PGGT1B: variants seen among roughly 807,000 people sequenced by gnomAD.
PGGT1B encodes the protein geranylgeranyl transferase type-1 subunit beta.
PGGT1B carries 30 observed loss-of-function variants against 46.1 expected under a neutral mutation model. The observed-to-expected ratio is 0.65, with a 90% confidence interval of 0.49 to 0.88. The LOEUF (loss-of-function observed/expected upper bound fraction) is 0.88. PGGT1B is among the 40% of genes least tolerant of loss of function. The probability of loss-of-function intolerance (pLI) is 0.00; values close to 1 mark genes in which losing one functional copy is unlikely to be tolerated. For missense variants in PGGT1B, 376 were observed against 455.9 expected, an observed-to-expected ratio of 0.82 and a Z score of 1.60; for synonymous variants, 170 against 160.0, an observed-to-expected ratio of 1.06 and a Z score of -0.47.
chr5:115,258,867 C>A (rs1748433874), intron 1 of PGGT1B, among the ~76,000 whole-genome samples: 1 of 152,204 alleles, frequency 6.6e-6, no homozygotes, highest in African/African-American at 2.4e-5. Flanking sequence ...GCATCACACT[C>A]CTCAGCTATT....
chr5:115,232,793 G>T (rs1233186806), intron 5 of PGGT1B, among the ~76,000 whole-genome samples: 5 of 151,892 alleles, frequency 3.3e-5, no homozygotes, highest in African/African-American at 1.2e-4. Flanking sequence ...CTATATGGAA[G>T]GCACTTAAAA....
intron 4 of PGGT1B, among the ~76,000 whole-genome samples, chr5:115,237,219 G>C (rs925054845): frequency 3.9e-5 from 6 of 152,120 alleles, no homozygotes; most frequent in African/African-American, 1.4e-4. Context: ...AACACTGACG[G>C]GAAAACAGAG....
At chr5:115,247,124 T>G (rs533693124) in intron 2 of PGGT1B, among the ~76,000 whole-genome samples, 29 of 152,336 alleles carry the variant, frequency 1.9e-4, no homozygotes, top group Non-Finnish European at 3.2e-4. Flanking sequence ...ATATGTCACT[T>G]TAAAACTTAG....
Position 115,206,983 on chromosome 5 carries a change from G to A in PGGT1B, c.*5419C>T, listed in dbSNP as rs943428373. The A allele has an allele frequency of 1.3e-5, 2 of 151,504 alleles. No individual in the cohort carries two copies. Among genetic ancestry groups the A allele is most frequent in the African/African-American group, 2.4e-5 (1 of 41,306 alleles). 9.4% of individuals were successfully genotyped at this position (151,504 alleles called of 1,614,324 possible). A position where few individuals can be genotyped will look rare whatever the true frequency, so the allele number is the denominator to read the frequency against. On this transcript the variant is annotated 3_prime_UTR_variant, in exon 9 of 9. Transcript: ENST00000419445. The stretch of plus-strand genomic sequence containing the variant: ...GTGGGGAAAGACATGTTTTGATGTT[G>A]TCTATCTAAGAATATCATGTATCTT...
intron 1 of PGGT1B, among the ~76,000 whole-genome samples, chr5:115,255,032 T>A (rs1388271945): frequency 6.6e-6 from 1 of 152,186 alleles, no homozygotes. Context: ...CACATGACTC[T>A]GGGCAGGATA....
At chr5:115,250,235 T>C (rs1388584865) in intron 2 of PGGT1B, among the ~76,000 whole-genome samples, 2 of 152,182 alleles carry the variant, frequency 1.3e-5, no homozygotes, top group Non-Finnish European at 1.5e-5. Context: ...GTAGGACAAA[T>C]ACAGACCTAT....
chr5:115,234,256 G>A (rs1757101611), intron 5 of PGGT1B, among the ~76,000 whole-genome samples: 1 of 150,358 alleles, frequency 6.7e-6, no homozygotes, highest in Non-Finnish European at 1.5e-5. Flanking sequence ...ATGAAGAAAG[G>A]AAAAGCATTA....
chr5:115,209,923 A>G lies in PGGT1B; in HGVS notation c.*2479T>C, dbSNP rs1756173016. ...CTGAACTGGCAAATCTGGGATTTAA[A>G]CCCAGGTCATCTGATTCCAGAGCAC... On this transcript the variant is annotated 3_prime_UTR_variant, in exon 9 of 9. Transcript: ENST00000419445. 1 of 152,084 alleles carries G rather than the reference A, an allele frequency of 6.6e-6. No individual in the cohort carries two copies. Among genetic ancestry groups the G allele is most frequent in the Non-Finnish European group, 1.5e-5 (1 of 67,992 alleles). The allele number at this position is 152,084 out of a possible 1,614,324, so 9.4% of individuals were successfully genotyped here.
intron 6 of PGGT1B, among the ~76,000 whole-genome samples, chr5:115,224,772 G>A (rs1047581759): frequency 6.6e-6 from 1 of 151,000 alleles, no homozygotes; most frequent in Non-Finnish European, 1.5e-5. Context: ...AACTCAGAAG[G>A]TGGAAGTAGG....
At chr5:115,237,604 CATTT>C (rs974426157) in intron 4 of PGGT1B, among the ~76,000 whole-genome samples, 1 of 151,994 alleles carries the variant, frequency 6.6e-6, no homozygotes, top group African/African-American at 2.4e-5. Flanking sequence ...ATTATTCAAC[CATTT>C]ATTTATGTAC....
At chr5:115,257,910 T>C (rs892656621) in intron 1 of PGGT1B, among the ~76,000 whole-genome samples, 2 of 152,230 alleles carry the variant, frequency 1.3e-5, no homozygotes, top group Non-Finnish European at 2.9e-5. Context: ...GTTAAAATAC[T>C]AGCACATAGA....
At chr5:115,212,723 T>C (rs1756273512) in intron 8 of PGGT1B, 140 bp from the exon 9 acceptor site, 1 of 560,710 alleles carries the variant, frequency 1.8e-6, no homozygotes, top group African/African-American at 2.0e-5. Context: ...TAAAAATATT[T>C]GCTTTCTCAA....
chr5:115,251,606 T>C (rs1748104148), intron 2 of PGGT1B, among the ~76,000 whole-genome samples: 1 of 152,114 alleles, frequency 6.6e-6, no homozygotes, highest in Admixed American at 6.5e-5. Context: ...ACCTACAGCT[T>C]GAGTTCTCTC....
In PGGT1B at chr5:115,212,427, G is replaced by C. The variant is rs1756263364; in HGVS notation, c.1109C>G (p.Ser370Ter). 6.3e-7 allele frequency: 1 copy of C among 1,586,558 alleles called. No homozygotes were observed. The highest frequency in any genetic ancestry group is 1.3e-5 in the African/African-American group (1 of 74,188). ...SWKTKDSKQC[S>*]ENVHIST ...TCATGTGGAGATATGTACATTCTCTGAGCATTGTTTAGAGTCCTTGGTTTT... is the reference window on the plus strand; with the variant it reads ...TCATGTGGAGATATGTACATTCTCTCAGCATTGTTTAGAGTCCTTGGTTTT... Residue 370 changes from serine (S) to a stop codon, truncating the protein, a stop_gained, in exon 9 of 9, where the codon TCA (serine) becomes TGA (stop). Transcript: ENST00000419445. LOFTEE classifies it high-confidence loss of function.
chr5:115,246,508 T>C (rs1173196051), intron 2 of PGGT1B, among the ~76,000 whole-genome samples: 2 of 152,226 alleles, frequency 1.3e-5, no homozygotes, highest in Admixed American at 1.3e-4. Context: ...ACACAATTCA[T>C]TGTAAATTTA....
intron 8 of PGGT1B, among the ~76,000 whole-genome samples, chr5:115,215,191 T>A (rs1254361379): frequency 4.6e-5 from 7 of 151,728 alleles, no homozygotes; most frequent in Non-Finnish European, 5.9e-5. Context: ...AGAGACGGGG[T>A]CTCGCCATAT....
intron 6 of PGGT1B, among the ~76,000 whole-genome samples, chr5:115,226,232 C>T (rs1438880791): frequency 2.0e-5 from 3 of 151,972 alleles, no homozygotes; most frequent in Non-Finnish European, 4.4e-5. Context: ...CTCCCAAATC[C>T]GAAACTTTCT....
intron 4 of PGGT1B, 117 bp downstream of exon 4, chr5:115,237,741 T>C (rs1172402791): frequency 2.6e-6 from 2 of 757,584 alleles, no homozygotes; most frequent in Middle Eastern, 4.2e-4. Context: ...TCGTAAGCTT[T>C]AGGTGGGGTT....
chr5:115,235,763 A>G (rs1757160970), intron 5 of PGGT1B, among the ~76,000 whole-genome samples: 2 of 152,130 alleles, frequency 1.3e-5, no homozygotes, highest in African/African-American at 4.8e-5. Context: ...ACACTCACTT[A>G]AATGCAACTC....
Sources: gnomAD v4.1 joint callset for allele counts (sites outside exome capture counted in the v4.1 genomes callset) on GRCh38, gnomAD v4.1.1 for gene constraint, MANE v1.5 for transcripts, NCBI Gene and HGNC (gene_info 2026-07-23, HGNC 2026-07-21) for gene names.